CACNA1I: variants seen among roughly 807,000 people sequenced by gnomAD.
CACNA1I encodes calcium voltage-gated channel subunit alpha1 I.
In CACNA1I, 74 loss-of-function variants were observed where a neutral mutation model predicts 201.6. That is an observed-to-expected ratio of 0.37 (90% CI 0.30 to 0.45). The LOEUF (loss-of-function observed/expected upper bound fraction) is 0.45. Among genes scored for constraint, CACNA1I ranks in the 20% least tolerant of loss-of-function variants. The probability of loss-of-function intolerance (pLI) is 1.00; values close to 1 mark genes in which losing one functional copy is unlikely to be tolerated. For missense variants in CACNA1I, 2,346 were observed against 3,138.1 expected (o/e 0.75, Z 6.03); for synonymous variants, 1,431 against 1,345.2 (o/e 1.06, Z -1.40).
rs541467936 is a variant in CACNA1I, at chr22:39,583,942, C to G, written c.236+12954C>G. Among the ~76,000 whole-genome samples, 3 of 152,278 alleles carry G rather than the reference C, an allele frequency of 2.0e-5. No homozygotes were observed. In the East Asian group the frequency reaches 5.8e-4, roughly 29 times the overall value. On this transcript the variant is annotated intron_variant, in intron 1 of 36. Transcript: ENST00000402142. ...TTTTGATGAAGTGCATCCTGGCAGGCAAGGTTGGAGGTAGAGGTTGTATGG... is the reference window on the plus strand; with the variant it reads ...TTTTGATGAAGTGCATCCTGGCAGGGAAGGTTGGAGGTAGAGGTTGTATGG...
In CACNA1I at chr22:39,662,392, G is replaced by A. The variant is rs770118931; in HGVS notation, c.3329G>A (p.Gly1110Asp). Reference protein sequence around the residue: ...SIAKDVFTKMGDRGDRGEDEE... With the variant: ...SIAKDVFTKMDDRGDRGEDEE... ...GCCAAAGACGTCTTCACCAAGATGG[G>A]CGACCGCGGGGATCGCGGGGAGGAT... Residue 1110 changes from glycine to aspartate, a missense_variant, in exon 17 of 37, where the codon GGC becomes GAC. Gly to Asp is a moderately conservative substitution (Grantham distance 94). Transcript: ENST00000402142. The A allele has an allele frequency of 2.2e-5, 32 of 1,472,772 alleles. No individual in the cohort carries two copies. The South Asian group carries it at 4.3e-4, about 20-fold the overall frequency. 91.2% of individuals were successfully genotyped at this position (1,472,772 alleles called of 1,614,324 possible).
At chr22:39,669,092 C>T (rs1488246781) in intron 24 of CACNA1I, among the ~76,000 whole-genome samples, 1 of 152,092 alleles carries the variant, frequency 6.6e-6, no homozygotes, top group Non-Finnish European at 1.5e-5. Context: ...AGACGTGTGG[C>T]TGACCAAGGT....
At chr22:39,586,214 G>T (rs1932749267) in intron 1 of CACNA1I, among the ~76,000 whole-genome samples, 1 of 152,026 alleles carries the variant, frequency 6.6e-6, no homozygotes, top group Non-Finnish European at 1.5e-5. Context: ...TTCTGGCTGG[G>T]TGTTGTGGCT....
At chr22:39,639,976 C>T (rs1035989612) in intron 5 of CACNA1I, among the ~76,000 whole-genome samples, 6 of 152,226 alleles carry the variant, frequency 3.9e-5, no homozygotes, top group Non-Finnish European at 8.8e-5. Context: ...ACCATCTGGG[C>T]AGGCTCCACG....
At chr22:39,613,912 A>G (rs1247595970) in intron 3 of CACNA1I, among the ~76,000 whole-genome samples, 2 of 151,878 alleles carry the variant, frequency 1.3e-5, no homozygotes, top group Non-Finnish European at 2.9e-5. Flanking sequence ...ATCTCAGCTC[A>G]CTGCAACCTC....
chr22:39,645,008 C>T (rs117583662), intron 7 of CACNA1I, among the ~76,000 whole-genome samples: 2,223 of 151,384 alleles, frequency 0.015, 26 homozygotes, highest in South Asian at 0.019. Flanking sequence ...TTTTTTAAGA[C>T]GGAGTCTTGC....
rs547098018 is a variant in CACNA1I at position 39,677,997 on chromosome 22, C to T, written c.4944C>T (p.Asp1648=). The T allele has an allele frequency of 6.3e-6, 10 of 1,592,122 alleles. No homozygotes were observed. Among genetic ancestry groups the T allele is most frequent in the South Asian group, 3.4e-5 (3 of 87,364 alleles). ...CCTCCCCGCTTCCAGTCTGCAACGACGAGAACCCGTGCGAGGGCATGAGCC... is the reference window on the plus strand; with the variant it reads ...CCTCCCCGCTTCCAGTCTGCAACGATGAGAACCCGTGCGAGGGCATGAGCC... The part of the protein sequence containing the change: ...VELFGKLVCN[D]ENPCEGMSRH... Residue 1648 remains aspartate (D), a synonymous_variant, in exon 31 of 37, where the codon GAC becomes GAT. Coordinates refer to ENST00000402142, the MANE Select transcript of CACNA1I (RefSeq NM_021096.4). This position sits in a 1 kb window ranked among gnomAD's most constrained non-coding sequence, Gnocchi z 4.8.
At chr22:39,571,779 T>G (rs958785377) in intron 1 of CACNA1I, among the ~76,000 whole-genome samples, 1 of 152,254 alleles carries the variant, frequency 6.6e-6, no homozygotes, top group African/African-American at 2.4e-5. Flanking sequence ...CTGCTTCATA[T>G]CTAACTGTCA....
chr22:39,582,467 C>A (rs1431086898), intron 1 of CACNA1I, among the ~76,000 whole-genome samples: 3 of 152,084 alleles, frequency 2.0e-5, no homozygotes, highest in Admixed American at 6.5e-5. Context: ...AAAGAATTAT[C>A]CAGCCCCAGT....
rs1012177685 is a variant in CACNA1I at position 39,664,199 on chromosome 22, C to T, written c.3666+40C>T. On this transcript the variant is annotated intron_variant, in intron 20 of 36. Transcript: ENST00000402142. ...CACCCGGGACCCCTGCTAGCCCCAG[C>T]TCGGGCCCCTGGCCCTGGGTCAGCC... 2.6e-6 allele frequency: 4 copies of T among 1,553,232 alleles called. No homozygotes were observed. The African/African-American group carries it at 5.4e-5, about 21-fold the overall frequency.
intron 17 of CACNA1I, 93 bp downstream of exon 17, chr22:39,662,528 CA>C: frequency 3.0e-6 from 3 of 1,010,898 alleles, no homozygotes; most frequent in South Asian, 1.8e-5. Flanking sequence ...CGGGCGGGCC[CA>C]CGGGGGGCGT....
At position 39,649,752 on chromosome 22, in the gene CACNA1I, A is replaced by AAGG. The variant is rs755371506; in HGVS notation, c.1837_1839dup (p.Glu613dup). 5.5e-5 allele frequency: 88 copies of AAGG among 1,586,180 alleles called. No individual in the cohort carries two copies. Among genetic ancestry groups the AAGG allele is most frequent in the Middle Eastern group, 3.3e-4 (2 of 6,006 alleles). ...GGACGGAGCCTCCTCAGAACTGGGG[A>AAGG]AGGAGGAGGAGGAGGAGGAGCAGGC... is the stretch of plus-strand genomic sequence containing the variant. On this transcript the variant is annotated inframe_insertion, in exon 10 of 37. Transcript: ENST00000402142. This position sits in a 1 kb window ranked among gnomAD's most constrained non-coding sequence, Gnocchi z 7.3.
chr22:39,662,997 C>T, intron 18 of CACNA1I, 121 bp downstream of exon 18: 1 of 687,600 alleles, frequency 1.5e-6, no homozygotes, highest in East Asian at 2.7e-5. Flanking sequence ...ACCCTCCCGG[C>T]CCAGAGGTGG....
intron 20 of CACNA1I, among the ~76,000 whole-genome samples, chr22:39,664,397 G>A (rs932996426): frequency 6.6e-6 from 1 of 152,096 alleles, no homozygotes; most frequent in Non-Finnish European, 1.5e-5. Context: ...AGGGAACACT[G>A]AGTGTGATGG....
At chr22:39,662,567 G>T in intron 17 of CACNA1I, 132 bp downstream of exon 17, 1 of 754,726 alleles carries the variant, frequency 1.3e-6, no homozygotes, top group Middle Eastern at 3.9e-4. Flanking sequence ...AGCGGCTAGG[G>T]CTTCAGGTGT....
intron 24 of CACNA1I, 67 bp downstream of exon 24, chr22:39,668,448 G>C (rs1601517821): frequency 1.9e-6 from 2 of 1,074,830 alleles, no homozygotes; most frequent in East Asian, 4.8e-5. Context: ...GGGGCCCAGT[G>C]GTTTGAATTT....
At chr22:39,625,576 A>T (rs889471830) in intron 4 of CACNA1I, among the ~76,000 whole-genome samples, 1 of 152,212 alleles carries the variant, frequency 6.6e-6, no homozygotes, top group African/African-American at 2.4e-5. Flanking sequence ...GGGGACATGG[A>T]CATCATGGTG....
chr22:39,637,972 C>T (rs1019569419), intron 5 of CACNA1I, among the ~76,000 whole-genome samples: 3 of 152,048 alleles, frequency 2.0e-5, no homozygotes, highest in Admixed American at 6.5e-5. Flanking sequence ...CTCACTCTAT[C>T]GCCTAGGCTG....
intron 1 of CACNA1I, among the ~76,000 whole-genome samples, chr22:39,573,605 C>T (rs529572308): frequency 6.6e-6 from 1 of 152,286 alleles, no homozygotes; most frequent in African/African-American, 2.4e-5. Context: ...GCCACACACG[C>T]CATGGGGGCT....
Sources: allele counts gnomAD v4.1 joint callset (sites outside exome capture counted in the v4.1 genomes callset), GRCh38; gene constraint gnomAD v4.1.1; non-coding constraint Gnocchi (gnomAD v3.1); transcripts MANE v1.5; gene names NCBI Gene and HGNC (gene_info 2026-07-23, HGNC 2026-07-21).